The following SMURF1 variants were observed in gnomAD, a reference collection of about 807,000 sequenced individuals.
SMURF1 encodes SMAD specific E3 ubiquitin protein ligase 1.
Under a neutral mutation model 98.0 loss-of-function variants are expected in SMURF1, and 44 were observed. The ratio of observed to expected loss-of-function variants is 0.45; its 90% CI spans 0.35 to 0.58. SMURF1 has a LOEUF of 0.58. Among genes scored for constraint, SMURF1 ranks in the 20% least tolerant of loss-of-function variants. The pLI, the probability that SMURF1 is intolerant of heterozygous loss-of-function variation, is 0.00. For missense variants in SMURF1, 687 were observed against 938.4 expected (o/e 0.73, Z 3.50); for synonymous variants, 396 against 374.9 (o/e 1.06, Z -0.65).
chr7:99,125,494 T>C (rs776187718), intron 1 of SMURF1, among the ~76,000 whole-genome samples: 2 of 152,238 alleles, frequency 1.3e-5, no homozygotes, highest in Non-Finnish European at 2.9e-5. Context: ...AGAAAGACTA[T>C]CATCCAGCAT....
intron 16 of SMURF1, among the ~76,000 whole-genome samples, chr7:99,034,563 G>C (rs557501152): frequency 6.6e-6 from 1 of 152,136 alleles, no homozygotes; most frequent in South Asian, 2.1e-4. Flanking sequence ...CTCATCCATG[G>C]AATGGGGCTA....
chr7:99,111,172 G>A (rs920468599), intron 1 of SMURF1, among the ~76,000 whole-genome samples: 1 of 152,088 alleles, frequency 6.6e-6, no homozygotes, highest in Non-Finnish European at 1.5e-5. Flanking sequence ...TAAAGGCCAA[G>A]AATAATGGAA....
chr7:99,031,189 A>G (rs1029703808), intron 17 of SMURF1, among the ~76,000 whole-genome samples: 2 of 152,194 alleles, frequency 1.3e-5, no homozygotes, highest in African/African-American at 4.8e-5. Context: ...CTAACGATGT[A>G]CTGCGTGTCT....
At chr7:99,051,831 C>T (rs1412477817) in intron 7 of SMURF1, among the ~76,000 whole-genome samples, 4 of 152,108 alleles carry the variant, frequency 2.6e-5, no homozygotes, top group African/African-American at 7.2e-5. Flanking sequence ...CGCAAACATC[C>T]GCACTTATGG....
Position 99,045,856 on chromosome 7 carries a change from T to C in SMURF1, c.1153-55A>G, listed in dbSNP as rs180930634. The C allele has an allele frequency of 1.3e-4, 182 of 1,407,384 alleles. 1 individual carries two copies. In the East Asian group the frequency reaches 3.0e-3, roughly 23 times the overall value. The allele number at this position is 1,407,384 out of a possible 1,614,324, so 87.2% of individuals were successfully genotyped here. A position where few individuals can be genotyped will look rare whatever the true frequency, so the allele number is the denominator to read the frequency against. On this transcript the variant is annotated intron_variant, in intron 10 of 17. Coordinates refer to ENST00000361368, the MANE Select transcript of SMURF1 (RefSeq NM_181349.3). ...AAGAACATTCTTATTCTTAAAGTTA[T>C]GAAAGGTCATTGATAATGGAGCCCG...
chr7:99,117,601 T>G (rs1294915898), intron 1 of SMURF1, among the ~76,000 whole-genome samples: 1 of 151,306 alleles, frequency 6.6e-6, no homozygotes, highest in East Asian at 2.0e-4. Flanking sequence ...TCCACCCACC[T>G]CGGCCTCCCA....
chr7:99,117,233 T>A (rs1797478108), intron 1 of SMURF1, among the ~76,000 whole-genome samples: 1 of 152,198 alleles, frequency 6.6e-6, no homozygotes, highest in African/African-American at 2.4e-5. Flanking sequence ...GATCTAAATT[T>A]AAGAGCTAAA....
rs539874887 is a variant in SMURF1, at chr7:99,112,274, A to C, written c.55+31452T>G. On this transcript the variant is annotated intron_variant, in intron 1 of 17. Coordinates refer to ENST00000361368, the MANE Select transcript of SMURF1 (RefSeq NM_181349.3). ...ACAGAGTTGTAAAATGCCTGGCTGCACCTTGAAGGCGTGCCTCACAACATA... is the reference window on the plus strand; with the variant it reads ...ACAGAGTTGTAAAATGCCTGGCTGCCCCTTGAAGGCGTGCCTCACAACATA... 1.1e-4 allele frequency among the ~76,000 whole-genome samples: 17 copies of C among 152,314 alleles called. No individual in the cohort carries two copies. In the East Asian group the frequency reaches 2.7e-3, roughly 24 times the overall value.
chr7:99,085,902 TAAAAAGACAA>T (rs1226901629), intron 1 of SMURF1, among the ~76,000 whole-genome samples: 2 of 152,030 alleles, frequency 1.3e-5, no homozygotes, highest in Non-Finnish European at 2.9e-5. Flanking sequence ...AAATCAGCAA[TAAAAAGACAA>T]AATAAGCCAA....
chr7:99,111,885 A>G lies in SMURF1; in HGVS notation c.55+31841T>C, dbSNP rs73709549. On this transcript the variant is annotated intron_variant, in intron 1 of 17. Transcript: ENST00000361368. ...GATATGCCTGTCTTTTGCCTAACTC[A>G]GAACTCTCCCAGGGCTAAGGTAGAT... is the stretch of plus-strand genomic sequence containing the variant. Among the ~76,000 whole-genome samples, 1,312 of 152,302 alleles carry G rather than the reference A, an allele frequency of 8.6e-3. 21 individuals carry two copies. The highest frequency in any genetic ancestry group is 0.029 in the African/African-American group (1,192 of 41,560).
At chr7:99,124,332 G>T (rs560972740) in intron 1 of SMURF1, among the ~76,000 whole-genome samples, 1 of 152,064 alleles carries the variant, frequency 6.6e-6, no homozygotes, top group Non-Finnish European at 1.5e-5. Context: ...TACCAGCCTC[G>T]CCCAGTTTCC....
Position 99,054,772 on chromosome 7 carries a change from T to C in SMURF1, c.479+18A>G. 1 of 1,613,262 alleles carries C rather than the reference T, an allele frequency of 6.2e-7. No individual in the cohort carries two copies. Among genetic ancestry groups the C allele is most frequent in the African/African-American group, 1.3e-5 (1 of 75,012 alleles). ...GCAGCAGAGAACTCAGCCCGCCTCT[T>C]GCTGTGGTTATACGTACCCTTCATT... On this transcript the variant is annotated intron_variant, in intron 6 of 17. Coordinates refer to ENST00000361368, the MANE Select transcript of SMURF1 (RefSeq NM_181349.3).
chr7:99,119,858 T>C (rs1266173030), intron 1 of SMURF1, among the ~76,000 whole-genome samples: 1 of 152,220 alleles, frequency 6.6e-6, no homozygotes, highest in East Asian at 1.9e-4. Flanking sequence ...TTTTCAACTC[T>C]TTTGTCTTGA....
chr7:99,116,229 A>G (rs940981982), intron 1 of SMURF1, among the ~76,000 whole-genome samples: 4 of 76,682 alleles, frequency 5.2e-5, no homozygotes, highest in African/African-American at 2.2e-4. Context: ...GACAGATTCC[A>G]ACATTCATGA....
rs1326238372 is a variant in SMURF1, at chr7:99,034,371, C to T, written c.2011+1144G>A. On this transcript the variant is annotated intron_variant, in intron 16 of 17. Coordinates refer to ENST00000361368, the MANE Select transcript of SMURF1 (RefSeq NM_181349.3). ...AGGACTAATGAGACCCTTACAATGACAGGGACTATCTCTAAGCAGGAAGGT... is the reference window on the plus strand; with the variant it reads ...AGGACTAATGAGACCCTTACAATGATAGGGACTATCTCTAAGCAGGAAGGT... 3.3e-5 allele frequency among the ~76,000 whole-genome samples: 5 copies of T among 152,334 alleles called. No individual in the cohort carries two copies. In the East Asian group the frequency reaches 5.8e-4, roughly 18 times the overall value.
chr7:99,113,753 G>A (rs1295702548), intron 1 of SMURF1, among the ~76,000 whole-genome samples: 1 of 144,642 alleles, frequency 6.9e-6, no homozygotes, highest in South Asian at 2.2e-4. Context: ...GCAGGAGAAT[G>A]GCGTGAACCC....
At chr7:99,032,616 C>G (rs770131165) in intron 17 of SMURF1, among the ~76,000 whole-genome samples, 1 of 152,200 alleles carries the variant, frequency 6.6e-6, no homozygotes, top group Admixed American at 6.5e-5. Context: ...TTGCAGTGAG[C>G]CGAGATCGTG....
intron 1 of SMURF1, among the ~76,000 whole-genome samples, chr7:99,100,092 C>T (rs865837823): frequency 4.9e-4 from 60 of 122,282 alleles, no homozygotes; most frequent in African/African-American, 1.4e-3. Context: ...ATCTTAAAAC[C>T]TTTAGTGGGA....
rs1480228925 is a variant in SMURF1, at chr7:99,143,836, C to T, written c.-56G>A. 2 of 1,447,648 alleles carry T rather than the reference C, an allele frequency of 1.4e-6. No homozygotes were observed. The highest frequency in any genetic ancestry group is 1.5e-5 in the African/African-American group (1 of 66,906). 89.7% of individuals were successfully genotyped at this position (1,447,648 alleles called of 1,614,324 possible). On this transcript the variant is annotated 5_prime_UTR_variant, in exon 1 of 18. Coordinates refer to ENST00000361368, the MANE Select transcript of SMURF1 (RefSeq NM_181349.3). ...CAGCGCCACCGCCCCCCAGCCCGGC[C>T]CGGCCCGGCCCCGCCGCCGCCGCCT... is the stretch of plus-strand genomic sequence containing the variant.
Sources: allele counts gnomAD v4.1 joint callset (sites outside exome capture counted in the v4.1 genomes callset), GRCh38; gene constraint gnomAD v4.1.1; transcripts MANE v1.5; gene names NCBI Gene and HGNC (gene_info 2026-07-23, HGNC 2026-07-21).